ANKRD30A: variants seen among roughly 807,000 people sequenced by gnomAD.
The protein encoded by ANKRD30A is ankyrin repeat domain-containing protein 30A.
Under a neutral mutation model 166.3 loss-of-function variants are expected in ANKRD30A, and 170 were observed. The observed-to-expected ratio is 1.02, with a 90% CI of 0.90 to 1.16. ANKRD30A has a LOEUF of 1.16. Ranked by LOEUF, ANKRD30A falls within the 50% of genes most tolerant of loss-of-function variation. The pLI, the probability that ANKRD30A is intolerant of heterozygous loss-of-function variation, is 0.00. For synonymous variants in ANKRD30A, 564 were observed against 508.9 expected (o/e 1.11, Z -1.46); for missense variants, 1,630 against 1,518.0 (o/e 1.07, Z -1.23).
At chr10:37,135,360 A>G (rs1379970990) in intron 5 of ANKRD30A, 1 of 152,234 alleles carries the variant, frequency 6.6e-6, no homozygotes, top group African/African-American at 2.4e-5. Flanking sequence ...CCCCAAAAGG[A>G]CATTTGACTA....
rs572925577 is a variant in ANKRD30A at position 37,193,084 on chromosome 10, T to C, written c.2533T>C (p.Phe845Leu). The change falls in exon 26 of 36, where the codon TTT becomes CTT. Residue 845 changes from phenylalanine (F) to leucine (L), a missense_variant. This residue lies in a region of ANKRD30A where 712 missense variants were observed against 629.3 expected (regional missense o/e 1.13). Coordinates refer to ENST00000361713, the MANE Select transcript of ANKRD30A (RefSeq NM_052997.3). ...KLEESPDNDG[F>L]LKAPCRMKVS... Reference sequence around the variant, plus strand: ...TTTAGAGTCTCCTGATAATGATGGTTTTCTGAAGGTAATAACTTTTATATT... The same window carrying C: ...TTTAGAGTCTCCTGATAATGATGGTCTTCTGAAGGTAATAACTTTTATATT... The C allele has an allele frequency of 2.4e-5, 38 of 1,608,232 alleles. 1 individual carries two copies. In the African/African-American group the frequency reaches 2.7e-4, roughly 11 times the overall value.
chr10:37,224,856 TTTTC>T (rs1301912502), intron 34 of ANKRD30A, among the ~76,000 whole-genome samples: 4 of 151,598 alleles, frequency 2.6e-5, no homozygotes, highest in Admixed American at 1.3e-4. Context: ...ACTCAGAATG[TTTTC>T]TTTCTATTTT....
the ANKRD30A span, among the ~76,000 whole-genome samples, chr10:37,259,614 A>G: frequency 1.3e-5 from 2 of 152,250 alleles, no homozygotes; most frequent in Non-Finnish European, 2.9e-5. Flanking sequence ...GGTAGAATGG[A>G]TGACTAAATT....
chr10:37,196,368 G>T (rs1421380495), intron 27 of ANKRD30A, among the ~76,000 whole-genome samples: 1 of 152,032 alleles, frequency 6.6e-6, no homozygotes, highest in Non-Finnish European at 1.5e-5. Flanking sequence ...TTTTGTTGAT[G>T]TTAGCTATTG....
At position 37,217,704 on chromosome 10, in the gene ANKRD30A, A is replaced by T; in HGVS notation, c.3093A>T (p.Leu1031Phe). 6.4e-7 allele frequency: 1 copy of T among 1,560,882 alleles called. No individual in the cohort carries two copies. The highest frequency in any genetic ancestry group is 1.2e-5 in the South Asian group (1 of 82,232). ...GTATGTTTAATGGCAGATTGACTTT[A>T]AACCAAGAAGAAGAGAAGAGAAGAA... Reference protein sequence around the residue: ...EQELCSVRLTLNQEEEKRRNA... With the variant: ...EQELCSVRLTFNQEEEKRRNA... Residue 1031 changes from leucine to phenylalanine, a missense_variant, in exon 33 of 36, where the codon TTA becomes TTT. By Grantham distance (22) the Leu-to-Phe change is conservative. Coordinates refer to ENST00000361713, the MANE Select transcript of ANKRD30A (RefSeq NM_052997.3).
intron 31 of ANKRD30A, among the ~76,000 whole-genome samples, chr10:37,210,736 CAT>C (rs747935497): frequency 3.6e-4 from 55 of 152,110 alleles, no homozygotes; most frequent in South Asian, 1.7e-3. Context: ...AGCTTTTTTT[CAT>C]ATGTTTGTTG....
At chr10:37,243,298 CTTTT>C in the ANKRD30A span, among the ~76,000 whole-genome samples, 1 of 137,664 alleles carries the variant, frequency 7.3e-6, no homozygotes, top group Non-Finnish European at 1.6e-5. Flanking sequence ...CCACGCCCAC[CTTTT>C]TTTTTTTTTT....
intron 31 of ANKRD30A, among the ~76,000 whole-genome samples, chr10:37,211,807 C>T (rs1673097152): frequency 6.6e-6 from 1 of 152,072 alleles, no homozygotes; most frequent in Non-Finnish European, 1.5e-5. Flanking sequence ...TGTTTCCTGA[C>T]TTTTTAATGA....
At chr10:37,243,136 T>TG in the ANKRD30A span, among the ~76,000 whole-genome samples, 6 of 146,552 alleles carry the variant, frequency 4.1e-5, no homozygotes, top group Admixed American at 1.4e-4. Context: ...ATTTCCAAAT[T>TG]TTTTTTTTTT....
At chr10:37,179,040 AT>A (rs1839975838) in intron 24 of ANKRD30A, among the ~76,000 whole-genome samples, 2 of 123,634 alleles carry the variant, frequency 1.6e-5, no homozygotes, top group Non-Finnish European at 3.8e-5. Context: ...ATATATATAT[AT>A]ATATATATAT....
At chr10:37,233,944 C>G (rs909451906), downstream of ANKRD30A, among the ~76,000 whole-genome samples, 1 of 152,074 alleles carries the variant, frequency 6.6e-6, no homozygotes, top group Non-Finnish European at 1.5e-5. Context: ...GTTAAAATAG[C>G]ATTGATACTG....
chr10:37,136,740 A>C, intron 6 of ANKRD30A, 69 bp downstream of exon 6: 1 of 917,812 alleles, frequency 1.1e-6, no homozygotes, highest in Non-Finnish European at 1.6e-6. Flanking sequence ...TGATCACAAA[A>C]AGGTAATTCA....
the ANKRD30A span, among the ~76,000 whole-genome samples, chr10:37,241,581 T>G: frequency 6.6e-6 from 1 of 152,062 alleles, no homozygotes; most frequent in Admixed American, 6.6e-5. Context: ...ACCAAGTTGT[T>G]ATTAGTGCTT....
At chr10:37,251,968 G>A in the ANKRD30A span, among the ~76,000 whole-genome samples, 2 of 152,066 alleles carry the variant, frequency 1.3e-5, no homozygotes, top group Non-Finnish European at 2.9e-5. Flanking sequence ...CTGATTCGAG[G>A]TTAAAACTAG....
rs1390008480 is a variant in ANKRD30A at position 37,191,616 on chromosome 10, T to A, written c.2513-1448T>A. On this transcript the variant is annotated intron_variant, in intron 25 of 35. Transcript: ENST00000361713. ...TTGGTATTAACACTTTTTGCAAAAA[T>A]CATATATAAATGGTTGTACAATGTT... Among the ~76,000 whole-genome samples, 5 of 152,018 alleles carry A rather than the reference T, an allele frequency of 3.3e-5. No homozygotes were observed. In the East Asian group the frequency reaches 5.8e-4, roughly 18 times the overall value.
At position 37,162,646 on chromosome 10, in the gene ANKRD30A, T is replaced by A; in HGVS notation, c.1901-3T>A. The A allele has an allele frequency of 6.2e-7, 1 of 1,612,182 alleles. No individual in the cohort carries two copies. Among genetic ancestry groups the A allele is most frequent in the Non-Finnish European group, 8.5e-7 (1 of 1,179,760 alleles). ...TTGATGATAAATCTCTTTTGCTTTTTAGAGCCTCCGGGGAAGCCATCTGCC... is the reference window on the plus strand; with the variant it reads ...TTGATGATAAATCTCTTTTGCTTTTAAGAGCCTCCGGGGAAGCCATCTGCC... On this transcript the variant is annotated splice_region_variant and splice_polypyrimidine_tract_variant and intron_variant, in intron 15 of 35. Coordinates refer to ENST00000361713, the MANE Select transcript of ANKRD30A (RefSeq NM_052997.3).
At chr10:37,235,064 G>A (rs990084012), downstream of ANKRD30A, among the ~76,000 whole-genome samples, 4 of 152,138 alleles carry the variant, frequency 2.6e-5, no homozygotes, top group Non-Finnish European at 4.4e-5. Flanking sequence ...AATAGTTATG[G>A]CAATCATTCA....
downstream of ANKRD30A, among the ~76,000 whole-genome samples, chr10:37,233,007 A>G (rs952487859): frequency 6.6e-6 from 1 of 151,912 alleles, no homozygotes; most frequent in Non-Finnish European, 1.5e-5. Context: ...ACCCATTTCA[A>G]TCAATGCACA....
chr10:37,183,126 G>C (rs1472827432), intron 24 of ANKRD30A, among the ~76,000 whole-genome samples: 1 of 149,278 alleles, frequency 6.7e-6, no homozygotes, highest in Non-Finnish European at 1.5e-5. Flanking sequence ...ACTGAAGTGG[G>C]AGTATTTACT....
Sources: allele counts gnomAD v4.1 joint callset (sites outside exome capture counted in the v4.1 genomes callset), GRCh38; gene constraint gnomAD v4.1.1; regional missense constraint gnomAD v4.1.1; transcripts MANE v1.5; gene names NCBI Gene and HGNC (gene_info 2026-07-23, HGNC 2026-07-21).